ADAMTS17: variants seen among roughly 807,000 people sequenced by gnomAD.
ADAMTS17 encodes the protein ADAM metallopeptidase with thrombospondin type 1 motif 17.
A neutral mutation model predicts 141.5 loss-of-function variants in ADAMTS17; 113 were observed. That is an observed-to-expected ratio of 0.80 (90% CI 0.69 to 0.93). The LOEUF (loss-of-function observed/expected upper bound fraction) is 0.93. ADAMTS17 is among the 40% of genes least tolerant of loss of function. ADAMTS17 has a pLI of 0.00. For missense variants in ADAMTS17, 1,659 were observed against 1,517.9 expected (o/e 1.09, Z -1.54); for synonymous variants, 768 against 630.6 (o/e 1.22, Z -3.27).
chr15:100,070,895 A>G (rs1252975485), intron 15 of ADAMTS17, among the ~76,000 whole-genome samples: 2 of 150,126 alleles, frequency 1.3e-5, no homozygotes, highest in African/African-American at 2.5e-5. Flanking sequence ...CTAAGATCAG[A>G]GCAGAACTGA....
chr15:100,091,028 A>AAAAAAAAAAG (rs369355348), intron 15 of ADAMTS17, among the ~76,000 whole-genome samples: 16 of 143,686 alleles, frequency 1.1e-4, no homozygotes, highest in African/African-American at 4.3e-4. Context: ...AAAAAAAAAA[A>AAAAAAAAAAG]GGGTAACCAA....
chr15:100,329,107 G>C (rs1250776331), intron 3 of ADAMTS17, among the ~76,000 whole-genome samples: 1 of 152,148 alleles, frequency 6.6e-6, no homozygotes, highest in Non-Finnish European at 1.5e-5. Context: ...ACCCAGGCGT[G>C]AGTAGCTGTT....
intron 15 of ADAMTS17, among the ~76,000 whole-genome samples, chr15:100,061,376 G>A (rs2033109048): frequency 6.6e-6 from 1 of 152,166 alleles, no homozygotes. Flanking sequence ...TTAGGGATCG[G>A]CTCTCCAAGG....
chr15:100,306,892 C>T (rs1447276289), intron 3 of ADAMTS17, among the ~76,000 whole-genome samples: 1 of 152,202 alleles, frequency 6.6e-6, no homozygotes, highest in Non-Finnish European at 1.5e-5. Flanking sequence ...CTTAGAAGGG[C>T]CTTTCACCTA....
chr15:100,262,514 G>A (rs1318126581), intron 4 of ADAMTS17, 79 bp from the exon 5 acceptor site: 5 of 1,050,704 alleles, frequency 4.8e-6, no homozygotes, highest in African/African-American at 1.6e-5. Flanking sequence ...ATGGGAACTT[G>A]GGACACAGAA....
intron 18 of ADAMTS17, among the ~76,000 whole-genome samples, chr15:100,018,308 G>A (rs2061331806): frequency 6.8e-6 from 1 of 147,624 alleles, no homozygotes; most frequent in Non-Finnish European, 1.5e-5. Context: ...ATCAGATAAT[G>A]GGCAAACAAT....
At chr15:100,321,612 C>A (rs1368322680) in intron 3 of ADAMTS17, among the ~76,000 whole-genome samples, 1 of 152,118 alleles carries the variant, frequency 6.6e-6, no homozygotes, top group African/African-American at 2.4e-5. Context: ...ATAAAAATGG[C>A]CCATTACATG....
intron 18 of ADAMTS17, among the ~76,000 whole-genome samples, chr15:100,002,352 C>G (rs915835002): frequency 6.6e-6 from 1 of 152,028 alleles, no homozygotes; most frequent in Admixed American, 6.5e-5. Context: ...AGAAGTGGGG[C>G]CCCTCTGTCT....
At position 99,997,019 on chromosome 15, in the gene ADAMTS17, G is replaced by T. The variant is rs936948440; in HGVS notation, c.2796+366C>A. On this transcript the variant is annotated intron_variant, in intron 19 of 21. Transcript: ENST00000268070. The surrounding 1 kb of genome is among the most constrained non-coding windows in gnomAD (Gnocchi z 4.7). ...TCGTAATCTACAAAGACTGCTGGGG[G>T]ATTAAAGGCAAACCTTTGAAACCAC... Among the ~76,000 whole-genome samples, 2 of 152,182 alleles carry T rather than the reference G, an allele frequency of 1.3e-5. No homozygotes were observed. Among genetic ancestry groups the T allele is most frequent in the South Asian group, 4.1e-4 (2 of 4,824 alleles).
chr15:100,062,833 T>G (rs1053402870), intron 15 of ADAMTS17, among the ~76,000 whole-genome samples: 6 of 152,136 alleles, frequency 3.9e-5, no homozygotes, highest in Admixed American at 2.0e-4. Context: ...GAGTTTAAGT[T>G]TAACCCAAGA....
chr15:100,317,704 A>G (rs1453359273), intron 3 of ADAMTS17, among the ~76,000 whole-genome samples: 1 of 152,138 alleles, frequency 6.6e-6, no homozygotes, highest in Admixed American at 6.5e-5. Context: ...TCAGCAAAAG[A>G]AATAGTAAGT....
intron 20 of ADAMTS17, among the ~76,000 whole-genome samples, chr15:99,991,563 A>G (rs954057670): frequency 7.9e-5 from 12 of 152,232 alleles, no homozygotes; most frequent in Non-Finnish European, 1.6e-4. Context: ...ATGCTTTTAC[A>G]CTGTTCATGG....
intron 3 of ADAMTS17, among the ~76,000 whole-genome samples, chr15:100,287,401 C>T (rs974933301): frequency 6.6e-6 from 1 of 152,108 alleles, no homozygotes; most frequent in Non-Finnish European, 1.5e-5. Context: ...GAGACCAAAT[C>T]GATCAGCCGT....
intron 18 of ADAMTS17, among the ~76,000 whole-genome samples, chr15:100,020,895 A>G (rs1340498674): frequency 1.3e-5 from 2 of 152,110 alleles, no homozygotes; most frequent in Admixed American, 6.5e-5. Context: ...CAGCTTTGTC[A>G]CTGGCAGCCT....
chr15:100,012,794 G>A (rs2061213337), intron 18 of ADAMTS17, among the ~76,000 whole-genome samples: 1 of 152,158 alleles, frequency 6.6e-6, no homozygotes, highest in Non-Finnish European at 1.5e-5. Flanking sequence ...CGGCCTTATA[G>A]TATAGTTTGA....
Position 100,157,422 on chromosome 15 carries a change from G to GAATCA in ADAMTS17, c.1182-2107_1182-2103dup, listed in dbSNP as rs1417019311. Among the ~76,000 whole-genome samples the GAATCA allele has an allele frequency of 8.5e-5, 13 of 152,284 alleles. No individual in the cohort carries two copies. In the South Asian group the frequency reaches 2.7e-3, roughly 32 times the overall value. On this transcript the variant is annotated intron_variant, in intron 8 of 21. Coordinates refer to ENST00000268070, the MANE Select transcript of ADAMTS17 (RefSeq NM_139057.4). ...ATAATGTCTTGTTATTTCTCCACTT[G>GAATCA]AATCAATTTTTTGCTTAATTGCTCA...
chr15:100,151,190 T>G (rs2039146071), intron 10 of ADAMTS17, among the ~76,000 whole-genome samples: 1 of 152,142 alleles, frequency 6.6e-6, no homozygotes, highest in Non-Finnish European at 1.5e-5. Flanking sequence ...CACTGGTCTC[T>G]GGAGGGGACC....
intron 14 of ADAMTS17, among the ~76,000 whole-genome samples, chr15:100,097,040 C>T (rs1399984942): frequency 1.3e-5 from 2 of 152,186 alleles, no homozygotes; most frequent in African/African-American, 2.4e-5. Context: ...CTATGAAGAG[C>T]CCCATCTCTC....
chr15:100,331,928 A>AG (rs368030351), intron 2 of ADAMTS17, among the ~76,000 whole-genome samples: 6 of 152,184 alleles, frequency 3.9e-5, no homozygotes, highest in African/African-American at 1.4e-4. Flanking sequence ...CCACACGCAG[A>AG]GCTAACTCCA....
Sources: allele counts gnomAD v4.1 joint callset (sites outside exome capture counted in the v4.1 genomes callset), GRCh38; gene constraint gnomAD v4.1.1; non-coding constraint Gnocchi (gnomAD v3.1); transcripts MANE v1.5; gene names NCBI Gene and HGNC (gene_info 2026-07-23, HGNC 2026-07-21).